SPATS2: variants seen among roughly 807,000 people sequenced by gnomAD.
SPATS2 encodes spermatogenesis-associated serine-rich protein 2.
A neutral mutation model predicts 63.7 loss-of-function variants in SPATS2; 38 were observed. The ratio of observed to expected loss-of-function variants is 0.60; its 90% CI spans 0.46 to 0.78. The LOEUF is 0.78. Ranked by LOEUF, SPATS2 falls within the 30% of genes least tolerant of loss-of-function variation. The pLI is 0.00. For missense variants in SPATS2, 588 were observed against 666.2 expected (o/e 0.88, Z 1.29); for synonymous variants, 207 against 232.9 (o/e 0.89, Z 1.01).
At chr12:49,381,049 G>T (rs1428372656) in intron 2 of SPATS2, among the ~76,000 whole-genome samples, 1 of 79,906 alleles carries the variant, frequency 1.3e-5, no homozygotes, top group Non-Finnish European at 2.3e-5. Flanking sequence ...GTCAACATTT[G>T]TTGTTGTTGT....
rs199910574 is a variant in SPATS2 at position 49,513,045 on chromosome 12, A to C, written c.840-1510A>C. ...TTTATTAACATCATGCGTAACGATT[A>C]TCAAACCTATGTTCTCTGGCACTTC... On this transcript the variant is annotated intron_variant, in intron 9 of 13. Coordinates refer to ENST00000552918, the MANE Select transcript of SPATS2 (RefSeq NM_023071.4). 5.2e-6 allele frequency: 3 copies of C among 580,460 alleles called. No homozygotes were observed. In the East Asian group the frequency reaches 2.1e-4, roughly 41 times the overall value. The allele number at this position is 580,460 out of a possible 1,614,324, so 36.0% of individuals were successfully genotyped here.
intron 9 of SPATS2, among the ~76,000 whole-genome samples, chr12:49,510,005 C>T (rs1357826810): frequency 6.6e-6 from 1 of 151,808 alleles, no homozygotes; most frequent in East Asian, 1.9e-4. Flanking sequence ...ACCTATAATC[C>T]CAGCACTTTG....
intron 2 of SPATS2, among the ~76,000 whole-genome samples, chr12:49,413,277 C>G (rs1043277985): frequency 6.6e-6 from 1 of 152,102 alleles, no homozygotes; most frequent in African/African-American, 2.4e-5. Context: ...TTCAAATAGG[C>G]AGGGGATGGA....
Position 49,448,385 on chromosome 12 carries a change from C to T in SPATS2, c.-243-12385C>T, listed in dbSNP as rs56072505. Among the ~76,000 whole-genome samples the T allele has an allele frequency of 7.4e-3, 1,130 of 151,968 alleles. 13 individuals carry two copies. Among genetic ancestry groups the T allele is most frequent in the African/African-American group, 0.025 (1,042 of 41,456 alleles). On this transcript the variant is annotated intron_variant, in intron 2 of 13. Transcript: ENST00000552918. ...CGATCTCCTGACCTCATGATCTGCC[C>T]GCCTTGGCCTCCCAAAGTGCTGGGA...
intron 2 of SPATS2, among the ~76,000 whole-genome samples, chr12:49,423,803 C>G (rs1018990348): frequency 6.6e-6 from 1 of 151,936 alleles, no homozygotes; most frequent in South Asian, 2.1e-4. Flanking sequence ...TCTGAGAAAC[C>G]TATGATTTAT....
Position 49,526,003 on chromosome 12 carries a change from T to TA in SPATS2, c.1386_1387insA (p.Asp463ArgfsTer9). The TA allele has an allele frequency of 6.2e-7, 1 of 1,614,256 alleles. No homozygotes were observed. The highest frequency in any genetic ancestry group is 8.5e-7 in the Non-Finnish European group (1 of 1,180,052). ...ATAGGCCACAAGGCCAAAAGTCCAA[T>TA]GACCCCATGAACCAAGGGCGGCATG... is the stretch of plus-strand genomic sequence containing the variant. On this transcript the variant is annotated frameshift_variant, in exon 14 of 14. Transcript: ENST00000552918. LOFTEE classifies it high-confidence loss of function.
At chr12:49,419,345 A>C (rs970901175) in intron 2 of SPATS2, among the ~76,000 whole-genome samples, 1 of 152,160 alleles carries the variant, frequency 6.6e-6, no homozygotes, top group Admixed American at 6.5e-5. Context: ...CTAAAGCAAT[A>C]TTTTTCTGAC....
intron 2 of SPATS2, among the ~76,000 whole-genome samples, chr12:49,375,640 C>G (rs1714524297): frequency 6.6e-6 from 1 of 152,126 alleles, no homozygotes; most frequent in Admixed American, 6.6e-5. Context: ...TGTAATCTAC[C>G]TGCATGTCCT....
At chr12:49,398,840 G>T (rs893268389) in intron 2 of SPATS2, among the ~76,000 whole-genome samples, 7 of 152,118 alleles carry the variant, frequency 4.6e-5, no homozygotes, top group Admixed American at 2.0e-4. Context: ...TTTCCTGTGG[G>T]ATATCCAGGT....
At chr12:49,497,126 C>G (rs983178798) in intron 8 of SPATS2, 117 bp downstream of exon 8, 3 of 1,070,616 alleles carry the variant, frequency 2.8e-6, no homozygotes, top group Admixed American at 6.0e-5. Flanking sequence ...TAATATTTTT[C>G]CATTTTCCAG....
chr12:49,513,953 G>A (rs1425784667), intron 9 of SPATS2, among the ~76,000 whole-genome samples: 4 of 152,052 alleles, frequency 2.6e-5, no homozygotes, highest in African/African-American at 9.7e-5. Flanking sequence ...TCAGGAGATC[G>A]AGACCATTCT....
intron 1 of SPATS2, among the ~76,000 whole-genome samples, chr12:49,367,863 T>G (rs2137117154): frequency 6.6e-6 from 1 of 151,126 alleles, no homozygotes; most frequent in Non-Finnish European, 1.5e-5. Flanking sequence ...GGCGTGAGCG[T>G]GTGTGGGGTA....
chr12:49,377,848 A>T (rs188272819), intron 2 of SPATS2, among the ~76,000 whole-genome samples: 190 of 152,024 alleles, frequency 1.2e-3, no homozygotes, highest in Non-Finnish European at 2.0e-3. Context: ...CTTTGAATCT[A>T]CTCCCCTACC....
chr12:49,435,850 G>C (rs1178386385), intron 2 of SPATS2, among the ~76,000 whole-genome samples: 2 of 150,228 alleles, frequency 1.3e-5, no homozygotes, highest in East Asian at 1.9e-4. Context: ...GACTCTTAAC[G>C]AGCATGCTGC....
In SPATS2 at chr12:49,399,008, T is replaced by G. The variant is rs1018802272; in HGVS notation, c.-244+27718T>G. Among the ~76,000 whole-genome samples the G allele has an allele frequency of 4.6e-5, 7 of 152,320 alleles. No homozygotes were observed. The East Asian group carries it at 1.3e-3, about 29-fold the overall frequency. The stretch of plus-strand genomic sequence containing the variant: ...CAGTACTTGCAAAGCTGCCCTAGAT[T>G]TTTCTTCCTTTTGTTTTTGTCCTTC... On this transcript the variant is annotated intron_variant, in intron 2 of 13. Coordinates refer to ENST00000552918, the MANE Select transcript of SPATS2 (RefSeq NM_023071.4).
chr12:49,513,573 T>C (rs1225361794), intron 9 of SPATS2, among the ~76,000 whole-genome samples: 1 of 152,242 alleles, frequency 6.6e-6, no homozygotes, highest in African/African-American at 2.4e-5. Flanking sequence ...TCTAATTGCC[T>C]ATTTAATGTT....
In SPATS2 at chr12:49,395,870, G is replaced by A. The variant is rs74647742; in HGVS notation, c.-244+24580G>A. 3.3e-4 allele frequency among the ~76,000 whole-genome samples: 50 copies of A among 152,328 alleles called. No homozygotes were observed. The East Asian group carries it at 9.1e-3, about 28-fold the overall frequency. On this transcript the variant is annotated intron_variant, in intron 2 of 13. Coordinates refer to ENST00000552918, the MANE Select transcript of SPATS2 (RefSeq NM_023071.4). ...GACCTGTAGAACTTAATTAGCTTGT[G>A]TAACTGAAACTTTATACCCACTGAA...
At chr12:49,514,138 C>CAG (rs1285211714) in intron 9 of SPATS2, among the ~76,000 whole-genome samples, 2 of 144,776 alleles carry the variant, frequency 1.4e-5, no homozygotes, top group Non-Finnish European at 3.0e-5. Flanking sequence ...GCCTAGGAGA[C>CAG]AGCGAGACTC....
intron 4 of SPATS2, chr12:49,486,298 C>T (rs1409520506): frequency 9.3e-6 from 4 of 430,430 alleles, no homozygotes; most frequent in Admixed American, 2.5e-5. Context: ...CTCCGCCTCC[C>T]GGGTTCAAGT....
Sources: allele counts gnomAD v4.1 joint callset (sites outside exome capture counted in the v4.1 genomes callset), GRCh38; gene constraint gnomAD v4.1.1; transcripts MANE v1.5; gene names NCBI Gene and HGNC (gene_info 2026-07-23, HGNC 2026-07-21).